The following BRF1 variants were observed in gnomAD, a reference collection of about 807,000 sequenced individuals.
The protein encoded by BRF1 is BRF1 general transcription factor IIIB subunit, also known as transcription factor IIIB 90 kDa subunit.
Under a neutral mutation model 81.7 loss-of-function variants are expected in BRF1, and 59 were observed. That is an observed-to-expected ratio of 0.72 (90% confidence interval 0.59 to 0.90). The LOEUF (loss-of-function observed/expected upper bound fraction) is 0.90, where lower values mean the gene tolerates loss of function less well. Among genes scored for constraint, BRF1 ranks in the 40% least tolerant of loss-of-function variants. The pLI is 0.00. For missense variants in BRF1, 1,050 were observed against 936.3 expected, an observed-to-expected ratio of 1.12 and a Z score of -1.58; for synonymous variants, 491 against 395.6, an observed-to-expected ratio of 1.24 and a Z score of -2.86.
At chr14:105,279,037 C>T (rs587714426) in intron 2 of BRF1, among the ~76,000 whole-genome samples, 26 of 151,938 alleles carry the variant, frequency 1.7e-4, no homozygotes, top group African/African-American at 6.3e-4. Flanking sequence ...AGTGAGACTC[C>T]ATGTCAAAGA....
chr14:105,212,437 A>C, intron 15 of BRF1: 1 of 442,196 alleles, frequency 2.3e-6, no homozygotes, highest in Non-Finnish European at 4.1e-6. Context: ...CTCCCCTTCC[A>C]ACAGTGCCTG....
chr14:105,253,115 G>A (rs1248280984), intron 4 of BRF1, among the ~76,000 whole-genome samples: 4 of 152,254 alleles, frequency 2.6e-5, no homozygotes, highest in African/African-American at 4.8e-5. Context: ...ATAGGGCAGT[G>A]GAGGTGAGGC....
chr14:105,299,325 A>G (rs370076031), intron 1 of BRF1, among the ~76,000 whole-genome samples: 5 of 152,120 alleles, frequency 3.3e-5, no homozygotes, highest in African/African-American at 1.2e-4. Context: ...AATCCCAGCA[A>G]TTCGGGAGGC....
intron 1 of BRF1, among the ~76,000 whole-genome samples, chr14:105,298,056 C>T (rs2057813086): frequency 1.3e-5 from 2 of 152,170 alleles, no homozygotes; most frequent in African/African-American, 2.4e-5. Flanking sequence ...AGTATCAACA[C>T]GATGCTCAAA....
rs762661806 is a variant in BRF1 at position 105,226,691 on chromosome 14, C to T, written c.858G>A (p.Glu286=). Residue 286 remains glutamate, a synonymous_variant, in exon 8 of 18, where the codon GAG becomes GAA. Coordinates refer to ENST00000547530, the MANE Select transcript of BRF1 (RefSeq NM_001519.4). ...TIDEFMKIDL[E]EECDPPSYTA... ...TGTACGAGGGGGGGTCGCACTCCTCCTCCAGGTCGATCTTCATGAACTCAT... is the reference window on the plus strand; with the variant it reads ...TGTACGAGGGGGGGTCGCACTCCTCTTCCAGGTCGATCTTCATGAACTCAT... 6.2e-7 allele frequency: 1 copy of T among 1,613,668 alleles called. No individual in the cohort carries two copies. Among genetic ancestry groups the T allele is most frequent in the East Asian group, 2.2e-5 (1 of 44,882 alleles).
chr14:105,268,631 G>A (rs1486314215), intron 3 of BRF1, among the ~76,000 whole-genome samples: 2 of 152,232 alleles, frequency 1.3e-5, no homozygotes, highest in East Asian at 3.9e-4. Context: ...AGGATTTCTT[G>A]TATCCAGCCC....
chr14:105,281,467 G>A (rs1303766552), intron 2 of BRF1, among the ~76,000 whole-genome samples: 1 of 148,282 alleles, frequency 6.7e-6, no homozygotes, highest in African/African-American at 2.5e-5. Flanking sequence ...GATACAGCCT[G>A]CGTGACCCTG....
chr14:105,226,153 A>G lies in BRF1; in HGVS notation c.964T>C (p.Ser322Pro). The G allele has an allele frequency of 1.2e-6, 2 of 1,614,026 alleles. No homozygotes were observed. The highest frequency in any genetic ancestry group is 1.7e-6 in the Non-Finnish European group (2 of 1,180,030). The change falls in exon 10 of 18, where the codon TCC becomes CCC. Residue 322 changes from serine (S) to proline (P), a missense_variant. Around this residue, in one of 2 missense-constraint regions of BRF1, gnomAD observed 1,043 missense variants for 915.4 expected, o/e 1.14. Coordinates refer to ENST00000547530, the MANE Select transcript of BRF1 (RefSeq NM_001519.4). ...ATCTCAATTGCATCCTGGTAACTGG[A>G]TATTTCACCTGAAGTCATAAGTTAA... is the stretch of plus-strand genomic sequence containing the variant. ...KKLEEVEGEI[S>P]SYQDAIEIEL... is the part of the protein sequence containing the mutation.
chr14:105,244,492 G>T (rs1267672285), intron 5 of BRF1, among the ~76,000 whole-genome samples: 1 of 148,856 alleles, frequency 6.7e-6, no homozygotes, highest in African/African-American at 2.4e-5. Context: ...AGACAAATCT[G>T]TCAGTGACTA....
Position 105,300,517 on chromosome 14 carries a change from A to C in BRF1, c.113T>G (p.Val38Gly). The stretch of plus-strand genomic sequence containing the variant: ...GCTCTCCACGAACTGCACCTCGGAC[A>C]CGATGATGTTGTCCTCCAGCACTGA... ...CGSVLEDNII[V>G]SEVQFVESSG... Residue 38 changes from valine to glycine, a missense_variant, in exon 1 of 18, where the codon GTG becomes GGG. Physicochemically the swap from Val to Gly is moderately radical, Grantham distance 109 (BLOSUM62 -3). Transcript: ENST00000547530. The C allele has an allele frequency of 6.5e-7, 1 of 1,537,946 alleles. No individual in the cohort carries two copies. The highest frequency in any genetic ancestry group is 8.7e-7 in the Non-Finnish European group (1 of 1,144,596).
chr14:105,297,024 G>C (rs1375357047), intron 1 of BRF1, among the ~76,000 whole-genome samples: 1 of 151,738 alleles, frequency 6.6e-6, no homozygotes, highest in Non-Finnish European at 1.5e-5. Flanking sequence ...CAGGCGTGGT[G>C]GTGGGCTCCT....
chr14:105,272,983 T>C (rs1361651007), intron 2 of BRF1, 89 bp from the exon 3 acceptor site: 6 of 1,394,302 alleles, frequency 4.3e-6, no homozygotes, highest in South Asian at 3.2e-5. Flanking sequence ...TTTAAGAATA[T>C]AGATTTGTGC....
intron 1 of BRF1, among the ~76,000 whole-genome samples, chr14:105,293,418 C>T (rs1045606326): frequency 6.6e-6 from 1 of 152,212 alleles, no homozygotes; most frequent in East Asian, 1.9e-4. Flanking sequence ...AAACGCTCCC[C>T]ACCCCCACAA....
At chr14:105,212,502 G>A in intron 15 of BRF1, 1 of 309,942 alleles carries the variant, frequency 3.2e-6, no homozygotes, top group African/African-American at 2.1e-5. Flanking sequence ...GGGGAGGGAG[G>A]GTGAAGGGAC....
At chr14:105,219,340 C>G in intron 12 of BRF1, 108 bp from the exon 13 acceptor site, 4 of 1,546,578 alleles carry the variant, frequency 2.6e-6, no homozygotes, top group Non-Finnish European at 3.5e-6. Context: ...GGAAGGGGAA[C>G]CCGGGGCAGC....
At chr14:105,245,583 G>A (rs1206493677) in intron 5 of BRF1, among the ~76,000 whole-genome samples, 3 of 151,924 alleles carry the variant, frequency 2.0e-5, no homozygotes, top group African/African-American at 7.3e-5. Flanking sequence ...AACAGGACAG[G>A]ACAGGACAGG....
Position 105,221,749 on chromosome 14 carries a change from G to C in BRF1, c.1214C>G (p.Pro405Arg), listed in dbSNP as rs774826544. Reference protein sequence around the residue: ...AAGSPEWGGRPPALGSLLDPL... With the variant: ...AAGSPEWGGRRPALGSLLDPL... ...GTCCAGCAGGGACCCCAGGGCCGGA[G>C]GTCTGCCGCCCCACTCGGGGCTTCC... Residue 405 changes from proline to arginine, a missense_variant, in exon 11 of 18, where the codon CCT becomes CGT. Transcript: ENST00000547530. 63 of 1,610,804 alleles carry C rather than the reference G, an allele frequency of 3.9e-5. No homozygotes were observed. Among genetic ancestry groups the C allele is most frequent in the Non-Finnish European group, 5.1e-5 (60 of 1,179,600 alleles).
intron 10 of BRF1, 125 bp from the exon 11 acceptor site, chr14:105,222,039 G>T: frequency 7.9e-7 from 1 of 1,264,352 alleles, no homozygotes; most frequent in Non-Finnish European, 1.1e-6. Flanking sequence ...GGTGCCTGGC[G>T]GTCAGGTGCC....
At chr14:105,217,515 T>G in intron 15 of BRF1, 29 bp downstream of exon 15, 1 of 1,600,796 alleles carries the variant, frequency 6.2e-7, no homozygotes, top group South Asian at 1.1e-5. Flanking sequence ...GCTGCTGCCC[T>G]AACCCAGCCA....
Sources: allele counts gnomAD v4.1 joint callset (sites outside exome capture counted in the v4.1 genomes callset), GRCh38; gene constraint gnomAD v4.1.1; regional missense constraint gnomAD v4.1.1; transcripts MANE v1.5; gene names NCBI Gene and HGNC (gene_info 2026-07-23, HGNC 2026-07-21).